AP2M1: variants seen among roughly 807,000 people sequenced by gnomAD.
The protein encoded by AP2M1 is adaptor related protein complex 2 subunit mu 1, also known as AP-2 complex subunit mu.
A neutral mutation model predicts 54.5 loss-of-function variants in AP2M1; 5 were observed. The ratio of observed to expected loss-of-function variants is 0.09; its 90% CI spans 0.05 to 0.19. The LOEUF is 0.19. AP2M1 is among the 10% of genes least tolerant of loss of function. The pLI is 1.00. For synonymous variants in AP2M1, 186 were observed against 208.2 expected (o/e 0.89, Z 0.92); for missense variants, 178 against 580.2 (o/e 0.31, Z 7.12).
Position 184,181,613 on chromosome 3 carries a change from G to T in AP2M1, c.708-83G>T. On this transcript the variant is annotated intron_variant, in intron 7 of 11. Transcript: ENST00000292807. This position sits in a 1 kb window ranked among gnomAD's most constrained non-coding sequence, Gnocchi z 5.7. ...CTAGCAGCTTTTCATAGTCTCTGGT[G>T]CCAGCCTGGGGTGGAGTGGTCTCCC... 6.4e-7 allele frequency: 1 copy of T among 1,551,856 alleles called. No individual in the cohort carries two copies. The highest frequency in any genetic ancestry group is 8.8e-7 in the Non-Finnish European group (1 of 1,135,132).
chr3:184,176,766 C>T (rs1280372910), intron 1 of AP2M1, 185 bp from the exon 2 acceptor site: 1 of 510,320 alleles, frequency 2.0e-6, no homozygotes, highest in South Asian at 3.0e-5. Flanking sequence ...GTTTCTTTCT[C>T]CCATCTAGTG....
Position 184,180,212 on chromosome 3 carries a change from G to C in AP2M1, c.384G>C (p.Ala128=), listed in dbSNP as rs753193214. The change falls in exon 4 of 12, where the codon GCG becomes GCC. Residue 128 remains alanine, a synonymous_variant. Coordinates refer to ENST00000292807, the MANE Select transcript of AP2M1 (RefSeq NM_004068.4). This position sits in a 1 kb window ranked among gnomAD's most constrained non-coding sequence, Gnocchi z 4.9. The part of the protein sequence containing the change: ...FGYPQNSETG[A]LKTFITQQGI... ...ACCCACAGAATTCCGAGACAGGCGC[G>C]CTGAAAACCTTCATCACGCAGCAGG... The C allele has an allele frequency of 5.6e-6, 9 of 1,614,154 alleles. No homozygotes were observed. The highest frequency in any genetic ancestry group is 1.6e-4 in the Middle Eastern group (1 of 6,062).
Position 184,180,776 on chromosome 3 carries a change from G to T in AP2M1, c.430-73G>T. ...AGAAGGGATGGGGAATGAGGGTGGA[G>T]TGGGGATAGAGACAGGATGATTAAA... is the stretch of plus-strand genomic sequence containing the variant. On this transcript the variant is annotated intron_variant, in intron 5 of 11. Transcript: ENST00000292807. The surrounding 1 kb of genome is among the most constrained non-coding windows in gnomAD (Gnocchi z 4.9). 1 of 1,614,216 alleles carries T rather than the reference G, an allele frequency of 6.2e-7. No individual in the cohort carries two copies. Among genetic ancestry groups the T allele is most frequent in the South Asian group, 1.1e-5 (1 of 91,074 alleles).
rs1471151220 is a variant in AP2M1 at position 184,182,444 on chromosome 3, A to T, written c.1061+196A>T. Reference sequence around the variant, plus strand: ...TGCATTTGGGTTCATGCACGTGCTTATTTTTTAAGATGCTTTGGCATTTCC... The same window carrying T: ...TGCATTTGGGTTCATGCACGTGCTTTTTTTTTAAGATGCTTTGGCATTTCC... On this transcript the variant is annotated intron_variant, in intron 10 of 11. Coordinates refer to ENST00000292807, the MANE Select transcript of AP2M1 (RefSeq NM_004068.4). The surrounding 1 kb of genome is among the most constrained non-coding windows in gnomAD (Gnocchi z 5.5). The T allele has an allele frequency of 3.3e-6, 2 of 613,726 alleles. No homozygotes were observed. The highest frequency in any genetic ancestry group is 2.8e-5 in the East Asian group (1 of 36,104). 38.0% of individuals were successfully genotyped at this position (613,726 alleles called of 1,614,324 possible).
chr3:184,176,478 G>T (rs1018242568), intron 1 of AP2M1, among the ~76,000 whole-genome samples: 1 of 152,328 alleles, frequency 6.6e-6, no homozygotes, highest in Non-Finnish European at 1.5e-5. Flanking sequence ...TTCTCTGAAG[G>T]GTAGTGGAGC....
chr3:184,178,825 C>T lies in AP2M1; in HGVS notation c.75-32C>T. On this transcript the variant is annotated intron_variant, in intron 2 of 11. Transcript: ENST00000292807. The surrounding 1 kb of genome is among the most constrained non-coding windows in gnomAD (Gnocchi z 4.9). Reference sequence around the variant, plus strand: ...TTATGGGGTAAGGTTCACCTGGGTGCTGAGCAGGCCCTATGCACTCTTTTC... The same window carrying T: ...TTATGGGGTAAGGTTCACCTGGGTGTTGAGCAGGCCCTATGCACTCTTTTC... 3 of 1,607,232 alleles carry T rather than the reference C, an allele frequency of 1.9e-6. No individual in the cohort carries two copies. The highest frequency in any genetic ancestry group is 2.6e-6 in the Non-Finnish European group (3 of 1,175,570).
rs1976701 is a variant in AP2M1, at chr3:184,178,478, T to G, written c.75-379T>G. Among the ~76,000 whole-genome samples, 1 of 152,212 alleles carries G rather than the reference T, an allele frequency of 6.6e-6. No individual in the cohort carries two copies. The highest frequency in any genetic ancestry group is 1.5e-5 in the Non-Finnish European group (1 of 68,036). On this transcript the variant is annotated intron_variant, in intron 2 of 11. Transcript: ENST00000292807. The surrounding 1 kb of genome is among the most constrained non-coding windows in gnomAD (Gnocchi z 4.9). ...ACTAGCGGGAGGACTGAAGAAGCAGTGTCTCTTTCTGTCCTGGACCTGGGA... is the reference window on the plus strand; with the variant it reads ...ACTAGCGGGAGGACTGAAGAAGCAGGGTCTCTTTCTGTCCTGGACCTGGGA...
chr3:184,177,544 AGTC>A, intron 2 of AP2M1: 5 of 1,535,754 alleles, frequency 3.3e-6, no homozygotes, highest in Non-Finnish European at 4.4e-6. Context: ...CTTTCTCAGG[AGTC>A]GTCAGGCTGC....
chr3:184,182,347 G>A lies in AP2M1; in HGVS notation c.1061+99G>A. 1 of 1,326,494 alleles carries A rather than the reference G, an allele frequency of 7.5e-7. No individual in the cohort carries two copies. Among genetic ancestry groups the A allele is most frequent in the Non-Finnish European group, 1.0e-6 (1 of 972,014 alleles). 82.2% of individuals were successfully genotyped at this position (1,326,494 alleles called of 1,614,324 possible). Reference sequence around the variant, plus strand: ...TTCTGAATGAGGGGCAGGGGAGTGTGCCTGTTTGCTTTTCTAGGAGCCTCT... The same window carrying A: ...TTCTGAATGAGGGGCAGGGGAGTGTACCTGTTTGCTTTTCTAGGAGCCTCT... On this transcript the variant is annotated intron_variant, in intron 10 of 11. Transcript: ENST00000292807. The surrounding 1 kb of genome is among the most constrained non-coding windows in gnomAD (Gnocchi z 5.5).
chr3:184,177,509 A>G, intron 2 of AP2M1: 2 of 1,527,320 alleles, frequency 1.3e-6, no homozygotes, highest in South Asian at 1.2e-5. Flanking sequence ...AAGCCCCTCC[A>G]GGCTGCCCAA....
At position 184,180,872 on chromosome 3, in the gene AP2M1, C is replaced by A. The variant is rs1303222631; in HGVS notation, c.453C>A (p.Ile151=). The change falls in exon 6 of 12, where the codon ATC becomes ATA. Residue 151 remains isoleucine (I), a synonymous_variant. Transcript: ENST00000292807. The surrounding 1 kb of genome is among the most constrained non-coding windows in gnomAD (Gnocchi z 4.9). ...AGACAAAAGAAGAGCAGTCACAGAT[C>A]ACCAGCCAGGTAACTGGGCAGATTG... ...QHQTKEEQSQ[I]TSQVTGQIGW... 1 of 1,614,234 alleles carries A rather than the reference C, an allele frequency of 6.2e-7. No individual in the cohort carries two copies. Among genetic ancestry groups the A allele is most frequent in the East Asian group, 2.2e-5 (1 of 44,890 alleles).
At position 184,181,463 on chromosome 3, in the gene AP2M1, C is replaced by A; in HGVS notation, c.708-233C>A. 1.2e-6 allele frequency: 1 copy of A among 800,328 alleles called. No individual in the cohort carries two copies. Among genetic ancestry groups the A allele is most frequent in the Non-Finnish European group, 1.9e-6 (1 of 518,920 alleles). The allele number at this position is 800,328 out of a possible 1,614,324, so 49.6% of individuals were successfully genotyped here. ...CCAAGGCCTTTTCTGTACATACTGA[C>A]AGCCTCTGCCCAGTGTGCCTGAAAC... On this transcript the variant is annotated intron_variant, in intron 7 of 11. Coordinates refer to ENST00000292807, the MANE Select transcript of AP2M1 (RefSeq NM_004068.4). The surrounding 1 kb of genome is among the most constrained non-coding windows in gnomAD (Gnocchi z 5.7).
At position 184,181,729 on chromosome 3, in the gene AP2M1, C is replaced by T; in HGVS notation, c.741C>T (p.Thr247=). The T allele has an allele frequency of 1.2e-6, 2 of 1,614,030 alleles. No individual in the cohort carries two copies. The highest frequency in any genetic ancestry group is 1.7e-6 in the Non-Finnish European group (2 of 1,179,912). ...AATCAATTGCCATTGATGACTGCAC[C>T]TTCCACCAGTGTGTGCGACTCAGCA... is the stretch of plus-strand genomic sequence containing the variant. ...GKQSIAIDDC[T]FHQCVRLSKF... The change falls in exon 8 of 12, where the codon ACC becomes ACT. Residue 247 remains threonine, a synonymous_variant. Coordinates refer to ENST00000292807, the MANE Select transcript of AP2M1 (RefSeq NM_004068.4). The surrounding 1 kb of genome is among the most constrained non-coding windows in gnomAD (Gnocchi z 5.7).
chr3:184,174,941 A>G lies in AP2M1; in HGVS notation c.-62A>G, dbSNP rs970486883. ...CGGAGAGTGGCCGGGCCGGCAGAGC[A>G]GGGGGCCGAGGACACCAGGTGAGCC... On this transcript the variant is annotated 5_prime_UTR_variant, in exon 1 of 12. Coordinates refer to ENST00000292807, the MANE Select transcript of AP2M1 (RefSeq NM_004068.4). 5.0e-6 allele frequency: 2 copies of G among 398,636 alleles called. No homozygotes were observed. The highest frequency in any genetic ancestry group is 8.8e-6 in the Non-Finnish European group (2 of 226,082). The allele number at this position is 398,636 out of a possible 1,614,324, so 24.7% of individuals were successfully genotyped here. A position where few individuals can be genotyped will look rare whatever the true frequency, so the allele number is the denominator to read the frequency against.
intron 1 of AP2M1, among the ~76,000 whole-genome samples, chr3:184,176,309 C>G (rs1715071061): frequency 6.6e-6 from 1 of 152,178 alleles, no homozygotes; most frequent in African/African-American, 2.4e-5. Flanking sequence ...GACCTTCCTC[C>G]TGTGCCCTTT....
chr3:184,178,781 T>C lies in AP2M1; in HGVS notation c.75-76T>C. The stretch of plus-strand genomic sequence containing the variant: ...TCTGCAGAAAGGAGGGTGGGGCTGT[T>C]AGCAGCTGTGGTTGATCCTTATGGG... On this transcript the variant is annotated intron_variant, in intron 2 of 11. Coordinates refer to ENST00000292807, the MANE Select transcript of AP2M1 (RefSeq NM_004068.4). The surrounding 1 kb of genome is among the most constrained non-coding windows in gnomAD (Gnocchi z 4.9). 6.5e-7 allele frequency: 1 copy of C among 1,550,212 alleles called. No individual in the cohort carries two copies. Among genetic ancestry groups the C allele is most frequent in the Non-Finnish European group, 8.8e-7 (1 of 1,140,296 alleles).
rs1162974276 is a variant in AP2M1, at chr3:184,183,917, C to G, written c.*301C>G. On this transcript the variant is annotated 3_prime_UTR_variant, in exon 12 of 12. Transcript: ENST00000292807. This position sits in a 1 kb window ranked among gnomAD's most constrained non-coding sequence, Gnocchi z 5.7. ...GGTGGGTTCCCTTTCCTTCCCACCC[C>G]TGTGGCCACAGCTCTGGAGTGGGAG... 2.9e-6 allele frequency: 1 copy of G among 341,726 alleles called. No homozygotes were observed. Among genetic ancestry groups the G allele is most frequent in the African/African-American group, 2.1e-5 (1 of 48,314 alleles). 21.2% of individuals were successfully genotyped at this position (341,726 alleles called of 1,614,324 possible). A position where few individuals can be genotyped will look rare whatever the true frequency, so the allele number is the denominator to read the frequency against.
At position 184,181,843 on chromosome 3, in the gene AP2M1, A is replaced by G. The variant is rs1286616864; in HGVS notation, c.827+28A>G. 3.1e-6 allele frequency: 5 copies of G among 1,614,164 alleles called. No individual in the cohort carries two copies. The South Asian group carries it at 3.3e-5, about 11-fold the overall frequency. On this transcript the variant is annotated intron_variant, in intron 8 of 11. Transcript: ENST00000292807. The surrounding 1 kb of genome is among the most constrained non-coding windows in gnomAD (Gnocchi z 5.7). ...GCCATTGGGGTGTGAGGAGGCAGCT[A>G]GTGCTGCTGGCAGACTGGGGAGAGG...
chr3:184,183,396 A>G lies in AP2M1; in HGVS notation c.1174-86A>G. ...AGCCATACAAACACCTGTAGTAGCG[A>G]TGAAGTAGGGCAGGGCAACGGGACT... On this transcript the variant is annotated intron_variant, in intron 11 of 11. Transcript: ENST00000292807. This position sits in a 1 kb window ranked among gnomAD's most constrained non-coding sequence, Gnocchi z 5.7. The G allele has an allele frequency of 6.3e-7, 1 of 1,578,168 alleles. No individual in the cohort carries two copies. Among genetic ancestry groups the G allele is most frequent in the Non-Finnish European group, 8.6e-7 (1 of 1,160,054 alleles).
Sources: gnomAD v4.1 joint callset for allele counts (sites outside exome capture counted in the v4.1 genomes callset) on GRCh38, gnomAD v4.1.1 for gene constraint, Gnocchi (gnomAD v3.1) non-coding constraint, MANE v1.5 for transcripts, NCBI Gene and HGNC (gene_info 2026-07-23, HGNC 2026-07-21) for gene names.